Variants in AK4 observed in about 807,000 individuals in gnomAD.
AK4 encodes the protein adenylate kinase 4, mitochondrial.
AK4 carries 13 observed loss-of-function variants against 24.6 expected under a neutral mutation model. The observed-to-expected ratio is 0.53, with a 90% CI of 0.34 to 0.84. The LOEUF is 0.84. Among genes scored for constraint, AK4 ranks in the 40% least tolerant of loss-of-function variants. The pLI is 0.01. For synonymous variants in AK4, 88 were observed against 107.0 expected, an observed-to-expected ratio of 0.82 and a Z score of 1.10; for missense variants, 192 against 288.2, an observed-to-expected ratio of 0.67 and a Z score of 2.42.
At chr1:65,153,728 G>T (rs1364809389) in intron 1 of AK4, among the ~76,000 whole-genome samples, 1 of 152,116 alleles carries the variant, frequency 6.6e-6, no homozygotes, top group African/African-American at 2.4e-5. Context: ...GACTGTCTTA[G>T]GTTGTGTGAT....
intron 3 of AK4, among the ~76,000 whole-genome samples, chr1:65,223,505 T>C (rs945708579): frequency 3.3e-5 from 5 of 152,100 alleles, no homozygotes; most frequent in Non-Finnish European, 7.4e-5. Context: ...ATAAATGTTA[T>C]CACGTATGAT....
At position 65,190,721 on chromosome 1, in the gene AK4, A is replaced by G; in HGVS notation, c.157A>G (p.Met53Val). 6.2e-7 allele frequency: 1 copy of G among 1,609,228 alleles called. No individual in the cohort carries two copies. The highest frequency in any genetic ancestry group is 8.5e-7 in the Non-Finnish European group (1 of 1,178,558). Reference protein sequence around the residue: ...NIKASTEVGEMAKQYIEKSLL... With the variant: ...NIKASTEVGEVAKQYIEKSLL... ...TGTCTTTTTAATAGAAGTTGGTGAG[A>G]TGGCAAAGCAGTATATAGAGAAAAG... is the stretch of plus-strand genomic sequence containing the variant. The change falls in exon 2 of 5, where the codon ATG becomes GTG. Residue 53 changes from methionine to valine, a missense_variant. By Grantham distance (21) the Met-to-Val change is conservative. Coordinates refer to ENST00000327299, the MANE Select transcript of AK4 (RefSeq NM_013410.4).
chr1:65,205,972 C>T (rs1037176645), intron 2 of AK4, among the ~76,000 whole-genome samples: 1 of 152,192 alleles, frequency 6.6e-6, no homozygotes, highest in Non-Finnish European at 1.5e-5. Context: ...TTACTGTTCC[C>T]TCTACCGGCA....
chr1:65,217,630 CATT>C (rs1652171735), intron 2 of AK4, among the ~76,000 whole-genome samples: 1 of 152,144 alleles, frequency 6.6e-6, no homozygotes, highest in African/African-American at 2.4e-5. Flanking sequence ...CCTGGAGTTA[CATT>C]TAAACAGGTC....
At chr1:65,190,423 G>A (rs1274571835) in intron 1 of AK4, among the ~76,000 whole-genome samples, 1 of 130,132 alleles carries the variant, frequency 7.7e-6, no homozygotes, top group Non-Finnish European at 1.6e-5. Flanking sequence ...CCACACACGT[G>A]GCCACTGTTT....
intron 3 of AK4, among the ~76,000 whole-genome samples, 163 bp from the exon 4 acceptor site, chr1:65,224,589 C>G (rs776564340): frequency 1.3e-5 from 2 of 152,102 alleles, no homozygotes; most frequent in Admixed American, 6.5e-5. Flanking sequence ...GTTAAGTGTG[C>G]TATTTCTTTT....
intron 1 of AK4, among the ~76,000 whole-genome samples, chr1:65,151,490 C>T (rs1253884412): frequency 6.6e-6 from 1 of 152,158 alleles, no homozygotes; most frequent in Non-Finnish European, 1.5e-5. Flanking sequence ...AAACTCTTGG[C>T]TCAGTCTCCC....
intron 1 of AK4, among the ~76,000 whole-genome samples, chr1:65,186,690 A>G (rs1222921388): frequency 6.6e-6 from 1 of 152,164 alleles, no homozygotes; most frequent in Non-Finnish European, 1.5e-5. Context: ...GGTGGATGAG[A>G]CTAAGAATGG....
At chr1:65,195,807 G>T (rs1229279915) in intron 2 of AK4, among the ~76,000 whole-genome samples, 1 of 152,188 alleles carries the variant, frequency 6.6e-6, no homozygotes, top group Admixed American at 6.5e-5. Context: ...TTGGGTGGGG[G>T]TGACTATTTG....
chr1:65,202,124 G>C (rs998077593), intron 2 of AK4, among the ~76,000 whole-genome samples: 12 of 152,124 alleles, frequency 7.9e-5, no homozygotes, highest in Non-Finnish European at 1.5e-4. Flanking sequence ...TTGGCCGGGC[G>C]TGGTGGCTCA....
At chr1:65,168,979 C>T (rs1045835205) in intron 1 of AK4, among the ~76,000 whole-genome samples, 1 of 152,046 alleles carries the variant, frequency 6.6e-6, no homozygotes, top group Non-Finnish European at 1.5e-5. Flanking sequence ...CTTCTGAGAC[C>T]AGCCTGGGCA....
intron 1 of AK4, among the ~76,000 whole-genome samples, chr1:65,172,090 TATATATATATA>T (rs1650551062): frequency 3.5e-5 from 4 of 115,904 alleles, no homozygotes; most frequent in African/African-American, 1.1e-4. Context: ...TATATATATA[TATATATATATA>T]TATTTAAACT....
chr1:65,174,255 G>A (rs900745222), intron 1 of AK4, among the ~76,000 whole-genome samples: 1 of 151,876 alleles, frequency 6.6e-6, no homozygotes, highest in African/African-American at 2.4e-5. Context: ...CAAAGCATAG[G>A]CAGATGTTTT....
chr1:65,163,418 G>T (rs1326912289), intron 1 of AK4, among the ~76,000 whole-genome samples: 2 of 152,218 alleles, frequency 1.3e-5, no homozygotes, highest in Admixed American at 1.3e-4. Context: ...AATGACTACA[G>T]AAATCGGAAG....
In AK4 at chr1:65,148,218, C is replaced by T. The variant is rs114871912; in HGVS notation, c.-190C>T. On this transcript the variant is annotated 5_prime_UTR_variant, in exon 1 of 5. Transcript: ENST00000327299. ...CGTGGCGCTCAGTCCGCCTGCTACT[C>T]GGTCCCGGCGCTGGGCTGAGGGGAG... 2.4e-3 allele frequency: 2,933 copies of T among 1,213,844 alleles called. 66 individuals are homozygous for T. In the African/African-American group the frequency reaches 0.041, roughly 17 times the overall value. The allele number at this position is 1,213,844 out of a possible 1,614,324, so 75.2% of individuals were successfully genotyped here.
chr1:65,218,097 A>G (rs1337755721), intron 2 of AK4, among the ~76,000 whole-genome samples: 1 of 152,222 alleles, frequency 6.6e-6, no homozygotes, highest in Non-Finnish European at 1.5e-5. Flanking sequence ...GATAGTCACC[A>G]TGCTGTTAAT....
intron 1 of AK4, chr1:65,154,505 G>A (rs1043232199): frequency 3.8e-6 from 2 of 525,992 alleles, no homozygotes; most frequent in Admixed American, 1.9e-5. Context: ...CTGTACTGGA[G>A]CCACTGCTGA....
intron 2 of AK4, among the ~76,000 whole-genome samples, chr1:65,201,062 G>T (rs966172291): frequency 6.6e-6 from 1 of 152,198 alleles, no homozygotes; most frequent in Non-Finnish European, 1.5e-5. Flanking sequence ...AAAGTGCTGG[G>T]ATTACAGGTG....
Position 65,218,865 on chromosome 1 carries a change from G to T in AK4, c.377G>T (p.Arg126Leu). ...ACACTTAAAGATCGTCTCAGCCGCC[G>T]TTGGATTCACCCTCCTAGCGGAAGG... ...FETLKDRLSR[R>L]WIHPPSGRVY... is the part of the protein sequence containing the mutation. The change falls in exon 3 of 5, where the codon CGT becomes CTT. Residue 126 changes from arginine to leucine, a missense_variant. Coordinates refer to ENST00000327299, the MANE Select transcript of AK4 (RefSeq NM_013410.4). The T allele has an allele frequency of 6.2e-7, 1 of 1,609,674 alleles. No individual in the cohort carries two copies. The highest frequency in any genetic ancestry group is 8.5e-7 in the Non-Finnish European group (1 of 1,177,976).
Sources: gnomAD v4.1 joint callset for allele counts (sites outside exome capture counted in the v4.1 genomes callset) on GRCh38, gnomAD v4.1.1 for gene constraint, MANE v1.5 for transcripts, NCBI Gene and HGNC (gene_info 2026-07-23, HGNC 2026-07-21) for gene names.